Variants in SRBD1 observed in about 807,000 individuals in gnomAD.
SRBD1 encodes S1 RNA-binding domain-containing protein 1.
In SRBD1, 88 loss-of-function variants were observed where a neutral mutation model predicts 115.3. The ratio of observed to expected loss-of-function variants is 0.76; its 90% CI spans 0.64 to 0.91. The LOEUF (loss-of-function observed/expected upper bound fraction) is 0.91. Ranked by LOEUF, SRBD1 falls within the 40% of genes least tolerant of loss-of-function variation. SRBD1 has a pLI of 0.00. For synonymous variants in SRBD1, 509 were observed against 407.7 expected (o/e 1.25, Z -2.99); for missense variants, 1,385 against 1,177.4 (o/e 1.18, Z -2.58).
At chr2:45,457,644 C>T (rs1038611774) in intron 16 of SRBD1, among the ~76,000 whole-genome samples, 11 of 151,858 alleles carry the variant, frequency 7.2e-5, no homozygotes, top group African/African-American at 2.2e-4. Flanking sequence ...ATTCTCACGG[C>T]GTATGTTAAA....
At chr2:45,435,327 T>C (rs1331726113) in intron 16 of SRBD1, among the ~76,000 whole-genome samples, 2 of 151,952 alleles carry the variant, frequency 1.3e-5, no homozygotes, top group African/African-American at 2.4e-5. Context: ...CTGAGAACAC[T>C]TTCTAGACTG....
chr2:45,428,589 A>ATAC lies in SRBD1; in HGVS notation c.2050-8696_2050-8695insGTA, dbSNP rs1558387204. Reference sequence around the variant, plus strand: ...AAATAAATAAATAAATAAATACATAAATAAATAAATAAGTTCTTTGAAACC... The same window carrying ATAC: ...AAATAAATAAATAAATAAATACATAATACATAAATAAATAAGTTCTTTGAAACC... On this transcript the variant is annotated intron_variant, in intron 16 of 20. Transcript: ENST00000263736. Among the ~76,000 whole-genome samples the ATAC allele has an allele frequency of 6.6e-5, 10 of 151,606 alleles. No individual in the cohort carries two copies. In the East Asian group the frequency reaches 1.9e-3, roughly 29 times the overall value.
chr2:45,432,165 G>C (rs1385738690), intron 16 of SRBD1, among the ~76,000 whole-genome samples: 1 of 152,074 alleles, frequency 6.6e-6, no homozygotes, highest in African/African-American at 2.4e-5. Flanking sequence ...GAGTAGCTGG[G>C]ATTACAGGCA....
chr2:45,408,010 A>G (rs913685460), intron 19 of SRBD1, among the ~76,000 whole-genome samples: 10 of 152,222 alleles, frequency 6.6e-5, no homozygotes. Flanking sequence ...CATGAAAAGA[A>G]AGACATAATC....
chr2:45,457,833 T>A (rs1669200307), intron 16 of SRBD1, among the ~76,000 whole-genome samples: 1 of 151,946 alleles, frequency 6.6e-6, no homozygotes, highest in South Asian at 2.1e-4. Context: ...CTTATGCTTT[T>A]AGAAAAAAAT....
chr2:45,599,738 C>A lies in SRBD1; in HGVS notation c.359G>T (p.Cys120Phe). Residue 120 changes from cysteine to phenylalanine, a missense_variant, in exon 4 of 21, where the codon TGT becomes TTT. Coordinates refer to ENST00000263736, the MANE Select transcript of SRBD1 (RefSeq NM_018079.5). Reference sequence around the variant, plus strand: ...TCGAACTGTATGTGGCTGCGCTGCACATTTCTGTTTTGTCTTGGCTGTTTT... The same window carrying A: ...TCGAACTGTATGTGGCTGCGCTGCAAATTTCTGTTTTGTCTTGGCTGTTTT... Reference protein sequence around the residue: ...TLKTAKTKQKCAAQPHTVRRT... With the variant: ...TLKTAKTKQKFAAQPHTVRRT... The A allele has an allele frequency of 6.2e-7, 1 of 1,614,196 alleles. No homozygotes were observed.
At chr2:45,425,708 A>T in intron 16 of SRBD1, among the ~76,000 whole-genome samples, 1 of 152,096 alleles carries the variant, frequency 6.6e-6, no homozygotes, top group South Asian at 2.1e-4. Flanking sequence ...CAGGGAACTC[A>T]CTCAGAAAGC....
rs573865205 is a variant in SRBD1 at position 45,595,136 on chromosome 2, CT to C, written c.648+4312del. The stretch of plus-strand genomic sequence containing the variant: ...ACCCAACAGAGATCTTTAAACTAAA[CT>C]TGTAATTTTGTCCTTTTGACAAGCC... On this transcript the variant is annotated intron_variant, in intron 4 of 20. Coordinates refer to ENST00000263736, the MANE Select transcript of SRBD1 (RefSeq NM_018079.5). Among the ~76,000 whole-genome samples the C allele has an allele frequency of 2.3e-3, 345 of 152,304 alleles. 2 individuals carry two copies. The highest frequency in any genetic ancestry group is 8.1e-3 in the African/African-American group (338 of 41,564).
chr2:45,512,468 C>G (rs1368150609), intron 14 of SRBD1, among the ~76,000 whole-genome samples: 3 of 152,148 alleles, frequency 2.0e-5, no homozygotes, highest in Non-Finnish European at 4.4e-5. Context: ...TTGTACTTAT[C>G]TGTTGAAGAG....
At chr2:45,444,679 T>C (rs1021350966) in intron 16 of SRBD1, among the ~76,000 whole-genome samples, 6 of 152,230 alleles carry the variant, frequency 3.9e-5, no homozygotes, top group East Asian at 1.9e-4. Context: ...CATATGTTAG[T>C]TGGCATCATA....
At chr2:45,493,360 AAAACT>A (rs1473697069) in intron 14 of SRBD1, among the ~76,000 whole-genome samples, 3 of 152,226 alleles carry the variant, frequency 2.0e-5, no homozygotes, top group Admixed American at 6.5e-5. Flanking sequence ...GACAAGGCCA[AAAACT>A]AAACTACCAC....
chr2:45,596,918 C>T (rs1673912895), intron 4 of SRBD1, among the ~76,000 whole-genome samples: 1 of 127,678 alleles, frequency 7.8e-6, no homozygotes, highest in Non-Finnish European at 1.6e-5. Context: ...AGAACACCCC[C>T]CCACAACCCT....
At chr2:45,540,213 C>A (rs896889812) in intron 14 of SRBD1, among the ~76,000 whole-genome samples, 2 of 151,908 alleles carry the variant, frequency 1.3e-5, no homozygotes, top group African/African-American at 2.4e-5. Context: ...TGGTGGCAGG[C>A]GCCTGTAATC....
chr2:45,513,317 T>A (rs1325976653), intron 14 of SRBD1, among the ~76,000 whole-genome samples: 1 of 152,002 alleles, frequency 6.6e-6, no homozygotes, highest in Non-Finnish European at 1.5e-5. Flanking sequence ...AAAAAAGATG[T>A]CCAGTTATAA....
intron 4 of SRBD1, among the ~76,000 whole-genome samples, chr2:45,589,803 G>A (rs1234998986): frequency 6.6e-6 from 1 of 152,082 alleles, no homozygotes; most frequent in African/African-American, 2.4e-5. Context: ...CATATTATAT[G>A]CCAATAACCA....
intron 10 of SRBD1, among the ~76,000 whole-genome samples, chr2:45,558,960 A>G (rs1558477944): frequency 6.6e-6 from 1 of 152,162 alleles, no homozygotes; most frequent in African/African-American, 2.4e-5. Context: ...TTGGTCTCCC[A>G]AAGTGCTGGG....
intron 16 of SRBD1, among the ~76,000 whole-genome samples, chr2:45,457,599 G>C (rs540497447): frequency 3.2e-4 from 48 of 151,978 alleles, no homozygotes; most frequent in Non-Finnish European, 5.7e-4. Flanking sequence ...GATACTAACT[G>C]CAATTAAATA....
intron 9 of SRBD1, 103 bp from the exon 10 acceptor site, chr2:45,562,859 A>C (rs1672716347): frequency 1.5e-6 from 1 of 661,238 alleles, no homozygotes; most frequent in Non-Finnish European, 2.5e-6. Flanking sequence ...CTCGTTTATT[A>C]AACAAGAATA....
At chr2:45,608,959 C>T (rs1026898002) in intron 1 of SRBD1, among the ~76,000 whole-genome samples, 6 of 152,106 alleles carry the variant, frequency 3.9e-5, no homozygotes, top group African/African-American at 1.4e-4. Context: ...AGGCGTGTAC[C>T]ACCACACCCA....
Sources: gnomAD v4.1 joint callset for allele counts (sites outside exome capture counted in the v4.1 genomes callset) on GRCh38, gnomAD v4.1.1 for gene constraint, MANE v1.5 for transcripts, NCBI Gene and HGNC (gene_info 2026-07-23, HGNC 2026-07-21) for gene names.